SH3TC2: variants seen among roughly 807,000 people sequenced by gnomAD.
SH3TC2 encodes the protein SH3 domain and tetratricopeptide repeat-containing protein 2.
A neutral mutation model predicts 124.5 loss-of-function variants in SH3TC2; 87 were observed. That is an observed-to-expected ratio of 0.70 (90% confidence interval 0.59 to 0.84). The LOEUF is 0.84. SH3TC2 is among the 40% of genes least tolerant of loss of function. The pLI is 0.00. For missense variants in SH3TC2, 1,536 were observed against 1,566.4 expected, an observed-to-expected ratio of 0.98 and a Z score of 0.33; for synonymous variants, 634 against 628.5, an observed-to-expected ratio of 1.01 and a Z score of -0.13.
At chr5:149,010,649 G>C (rs1390970423) in intron 13 of SH3TC2, among the ~76,000 whole-genome samples, 1 of 151,356 alleles carries the variant, frequency 6.6e-6, no homozygotes, top group African/African-American at 2.4e-5. Flanking sequence ...AAAACATTTT[G>C]TTTTACTAGT....
chr5:149,031,511 G>A (rs1442466838), intron 9 of SH3TC2, 43 bp downstream of exon 9: 1 of 1,613,588 alleles, frequency 6.2e-7, no homozygotes. Flanking sequence ...TCTTATTCTT[G>A]AGGACCCCAG....
intron 8 of SH3TC2, chr5:149,035,891 G>A: frequency 6.6e-6 from 1 of 152,254 alleles, no homozygotes; most frequent in African/African-American, 2.4e-5. Flanking sequence ...AGGTGCAGAA[G>A]TCCAAATATA....
chr5:149,041,009 T>G (rs1011254307), intron 6 of SH3TC2, among the ~76,000 whole-genome samples: 1 of 152,184 alleles, frequency 6.6e-6, no homozygotes, highest in African/African-American at 2.4e-5. Flanking sequence ...TATTTAAGTT[T>G]AATCATATCT....
intron 1 of SH3TC2, among the ~76,000 whole-genome samples, chr5:149,061,336 G>A (rs1357594298): frequency 6.6e-6 from 1 of 152,120 alleles, no homozygotes; most frequent in Admixed American, 6.5e-5. Context: ...TAGGAATGAG[G>A]GAACATGAGC....
chr5:149,028,577 G>A, intron 10 of SH3TC2, 23 bp from the exon 11 acceptor site: 1 of 1,614,182 alleles, frequency 6.2e-7, no homozygotes, highest in Non-Finnish European at 8.5e-7. Context: ...GCAAAGTTGA[G>A]CAACCTTGGG....
Position 149,003,939 on chromosome 5 carries a change from C to T in SH3TC2, c.*772G>A, listed in dbSNP as rs190130246. The T allele has an allele frequency of 3.1e-5, 9 of 287,218 alleles. No individual in the cohort carries two copies. The highest frequency in any genetic ancestry group is 1.1e-4 in the African/African-American group (5 of 44,706). The allele number at this position is 287,218 out of a possible 1,614,324, so 17.8% of individuals were successfully genotyped here. ...TCATCTGCCCCCATTGTGGATGAGA[C>T]AAAATGTGTGTGTAAATGTAACTGG... On this transcript the variant is annotated 3_prime_UTR_variant, in exon 17 of 17. Coordinates refer to ENST00000515425, the MANE Select transcript of SH3TC2 (RefSeq NM_024577.4).
intron 12 of SH3TC2, among the ~76,000 whole-genome samples, chr5:149,022,265 G>A (rs1206047192): frequency 6.6e-6 from 1 of 151,912 alleles, no homozygotes; most frequent in Non-Finnish European, 1.5e-5. Context: ...GATACACAAA[G>A]GGCTAGAAGC....
At chr5:149,034,592 A>T in intron 8 of SH3TC2, 1 of 273,898 alleles carries the variant, frequency 3.7e-6, no homozygotes, top group Non-Finnish European at 7.4e-6. Context: ...AGGTCTTTTT[A>T]AGTTCTCTAT....
At chr5:149,012,419 G>C (rs1233278895) in intron 13 of SH3TC2, among the ~76,000 whole-genome samples, 165 bp downstream of exon 13, 1 of 152,122 alleles carries the variant, frequency 6.6e-6, no homozygotes, top group African/African-American at 2.4e-5. Context: ...AGACCACCCT[G>C]GTTTCCACCA....
In SH3TC2 at chr5:149,047,997, A is replaced by T. The variant is rs1350673664; in HGVS notation, c.152-8T>A. 6 of 1,613,896 alleles carry T rather than the reference A, an allele frequency of 3.7e-6. No individual in the cohort carries two copies. The highest frequency in any genetic ancestry group is 5.1e-6 in the Non-Finnish European group (6 of 1,179,934). On this transcript the variant is annotated splice_region_variant and splice_polypyrimidine_tract_variant and intron_variant, in intron 2 of 16. Coordinates refer to ENST00000515425, the MANE Select transcript of SH3TC2 (RefSeq NM_024577.4). ...AGAAGGAGAGTGTCAGGTCTTAAAG[A>T]GAACAGAGAGAGAAGGATCAGGCTG... is the stretch of plus-strand genomic sequence containing the variant.
At chr5:149,005,211 T>C (rs1281060815) in intron 16 of SH3TC2, among the ~76,000 whole-genome samples, 1 of 152,132 alleles carries the variant, frequency 6.6e-6, no homozygotes, top group Non-Finnish European at 1.5e-5. Flanking sequence ...TGACCCAAAC[T>C]TGGCCTACAT....
intron 3 of SH3TC2, 88 bp from the exon 4 acceptor site, chr5:149,044,726 T>A (rs1234693460): frequency 1.1e-6 from 1 of 942,898 alleles, no homozygotes; most frequent in Non-Finnish European, 1.7e-6. Context: ...CTGTATGAAC[T>A]TCTTGATTAT....
In SH3TC2 at chr5:149,053,470, T is replaced by C. The variant is rs575913839; in HGVS notation, c.53-1230A>G. ...GAAGCAGGGGCCTGTCAGCTCTTCA[T>C]CCAGTAAATCTTGTTAGCTGTTCAG... On this transcript the variant is annotated intron_variant, in intron 1 of 16. Coordinates refer to ENST00000515425, the MANE Select transcript of SH3TC2 (RefSeq NM_024577.4). Among the ~76,000 whole-genome samples, 12 of 152,316 alleles carry C rather than the reference T, an allele frequency of 7.9e-5. No individual in the cohort carries two copies. In the South Asian group the frequency reaches 1.0e-3, roughly 13 times the overall value.
At chr5:149,021,054 A>G (rs879007775) in intron 12 of SH3TC2, among the ~76,000 whole-genome samples, 6 of 152,186 alleles carry the variant, frequency 3.9e-5, no homozygotes, top group Admixed American at 3.9e-4. Context: ...AAATCTCAGC[A>G]AATGTAAAAA....
chr5:149,010,468 C>T (rs895301319), intron 13 of SH3TC2, 76 bp from the exon 14 acceptor site: 101 of 1,594,524 alleles, frequency 6.3e-5, no homozygotes, highest in Admixed American at 4.5e-4. Flanking sequence ...AGAGCTAAGA[C>T]GCAGACCACC....
chr5:149,057,053 ATTAT>A (rs1754660938), intron 1 of SH3TC2, among the ~76,000 whole-genome samples: 1 of 152,178 alleles, frequency 6.6e-6, no homozygotes, highest in Non-Finnish European at 1.5e-5. Context: ...ACATTTAAAT[ATTAT>A]TTAACTGAAA....
chr5:149,031,695 G>A lies in SH3TC2; in HGVS notation c.1002-8C>T, dbSNP rs748766254. On this transcript the variant is annotated splice_region_variant and splice_polypyrimidine_tract_variant and intron_variant, in intron 8 of 16. Transcript: ENST00000515425. ...AAGGCAGAGTTCCTGCTCCTGCATC[G>A]GGGCAAAAAACACAGAGACAGATTA... is the stretch of plus-strand genomic sequence containing the variant. The A allele has an allele frequency of 2.5e-5, 40 of 1,613,612 alleles. No homozygotes were observed. The highest frequency in any genetic ancestry group is 8.8e-5 in the South Asian group (8 of 91,052).
At chr5:149,059,165 A>G (rs535677679) in intron 1 of SH3TC2, among the ~76,000 whole-genome samples, 19 of 152,230 alleles carry the variant, frequency 1.2e-4, no homozygotes, top group Admixed American at 7.8e-4. Context: ...TCCACTCCCA[A>G]TTTTACTGTT....
At position 148,994,226 on chromosome 5, in the gene SH3TC2, C is replaced by T. The variant is rs76931184; in HGVS notation, c.*10485G>A. Among the ~76,000 whole-genome samples, 5,292 of 152,310 alleles carry T rather than the reference C, an allele frequency of 0.035. 343 individuals are homozygous for T. Among genetic ancestry groups the T allele is most frequent in the Admixed American group, 0.17 (2,556 of 15,286 alleles). On this transcript the variant is annotated 3_prime_UTR_variant, in exon 17 of 17. Transcript: ENST00000515425. Reference sequence around the variant, plus strand: ...ACTGGTGTCCTGAAGCTGCCACTCTCTATCTACAGGACTTTGGGTAAGATT... The same window carrying T: ...ACTGGTGTCCTGAAGCTGCCACTCTTTATCTACAGGACTTTGGGTAAGATT...
Sources: allele counts gnomAD v4.1 joint callset (sites outside exome capture counted in the v4.1 genomes callset), GRCh38; gene constraint gnomAD v4.1.1; transcripts MANE v1.5; gene names NCBI Gene and HGNC (gene_info 2026-07-23, HGNC 2026-07-21).